The following ZNF804B variants were observed in gnomAD, a reference collection of about 807,000 sequenced individuals.
ZNF804B encodes the protein zinc finger 804B.
A neutral mutation model predicts 101.4 loss-of-function variants in ZNF804B; 80 were observed. The ratio of observed to expected loss-of-function variants is 0.79; its 90% CI spans 0.66 to 0.95. The LOEUF is 0.95. Among genes scored for constraint, ZNF804B ranks in the 40% least tolerant of loss-of-function variants. ZNF804B has a pLI of 0.00. For synonymous variants in ZNF804B, 622 were observed against 558.8 expected, an observed-to-expected ratio of 1.11 and a Z score of -1.59; for missense variants, 1,673 against 1,561.9, an observed-to-expected ratio of 1.07 and a Z score of -1.20.
Position 89,334,240 on chromosome 7 carries a change from G to A in ZNF804B, c.1258G>A (p.Val420Ile). Reference protein sequence around the residue: ...REKSLDKTERVSKNVQRLVKE... With the variant: ...REKSLDKTERISKNVQRLVKE... ...AAAATCTTTAGATAAAACAGAAAGA[G>A]TTAGCAAAAATGTTCAAAGACTTGT... Residue 420 changes from valine to isoleucine, a missense_variant, in exon 4 of 4, where the codon GTT becomes ATT. Transcript: ENST00000333190. 7 of 1,613,624 alleles carry A rather than the reference G, an allele frequency of 4.3e-6. No homozygotes were observed. Among genetic ancestry groups the A allele is most frequent in the Non-Finnish European group, 5.9e-6 (7 of 1,179,820 alleles).
chr7:89,180,910 G>T (rs764156126), intron 1 of ZNF804B, among the ~76,000 whole-genome samples: 13 of 149,520 alleles, frequency 8.7e-5, no homozygotes, highest in Non-Finnish European at 1.5e-4. Context: ...GTGGTAATGA[G>T]GCTAACTGGA....
chr7:88,966,948 A>G (rs1793463574), intron 1 of ZNF804B, among the ~76,000 whole-genome samples: 1 of 149,422 alleles, frequency 6.7e-6, no homozygotes, highest in African/African-American at 2.5e-5. Flanking sequence ...CACTTACAGG[A>G]TCTAGAATTC....
chr7:88,788,949 C>G (rs993359408), intron 1 of ZNF804B, among the ~76,000 whole-genome samples: 3 of 152,004 alleles, frequency 2.0e-5, no homozygotes, highest in African/African-American at 7.2e-5. Flanking sequence ...AAAATGGTTT[C>G]TTTTTCATTT....
intron 1 of ZNF804B, among the ~76,000 whole-genome samples, chr7:88,831,004 T>C (rs1010083407): frequency 6.6e-6 from 1 of 151,954 alleles, no homozygotes. Context: ...TATTTTAGTT[T>C]GTCAGTTTTA....
intron 1 of ZNF804B, among the ~76,000 whole-genome samples, chr7:88,802,933 T>C (rs1206118899): frequency 3.3e-5 from 5 of 152,170 alleles, no homozygotes; most frequent in Non-Finnish European, 7.4e-5. Flanking sequence ...ACATTGATAC[T>C]ATAAGGCACC....
At chr7:89,165,047 C>A (rs941899966) in intron 1 of ZNF804B, among the ~76,000 whole-genome samples, 1 of 151,938 alleles carries the variant, frequency 6.6e-6, no homozygotes, top group African/African-American at 2.4e-5. Context: ...AATAACTTAC[C>A]CATTATCACA....
At chr7:88,775,847 A>G (rs1399632904) in intron 1 of ZNF804B, among the ~76,000 whole-genome samples, 7 of 152,200 alleles carry the variant, frequency 4.6e-5, no homozygotes, top group Admixed American at 2.0e-4. Context: ...TGAAAATAAA[A>G]TTGTGATGTG....
chr7:88,975,798 T>C (rs1793608351), intron 1 of ZNF804B, among the ~76,000 whole-genome samples: 2 of 151,696 alleles, frequency 1.3e-5, no homozygotes, highest in Admixed American at 1.3e-4. Flanking sequence ...TTGTCCATTT[T>C]TGCTTTGGTT....
Position 89,208,081 on chromosome 7 carries a change from G to GTTTTTTTT in ZNF804B, c.109-10074_109-10073insTTTTTTTT, listed in dbSNP as rs201597943. 4.4e-5 allele frequency among the ~76,000 whole-genome samples: 6 copies of GTTTTTTTT among 135,422 alleles called. 2 individuals carry two copies. Among genetic ancestry groups the GTTTTTTTT allele is most frequent in the African/African-American group, 2.7e-5 (1 of 36,660 alleles). The allele number at this position is 135,422 out of a possible 152,430, so 88.8% of individuals were successfully genotyped here. ...GTGTGTTATATTTACTATTTTATTG[G>GTTTTTTTT]GTTTTTTTTTTTTTTTTTGAGACAG... is the stretch of plus-strand genomic sequence containing the variant. On this transcript the variant is annotated intron_variant, in intron 1 of 3. Transcript: ENST00000333190.
intron 1 of ZNF804B, among the ~76,000 whole-genome samples, chr7:88,779,733 C>T (rs1299369722): frequency 6.6e-6 from 1 of 152,170 alleles, no homozygotes. Flanking sequence ...AACTACTTCT[C>T]TGAGAATTGA....
chr7:88,911,324 T>C (rs1792547673), intron 1 of ZNF804B, among the ~76,000 whole-genome samples: 1 of 151,644 alleles, frequency 6.6e-6, no homozygotes, highest in African/African-American at 2.4e-5. Context: ...TTCTTACATC[T>C]CTTGCCTCTT....
intron 1 of ZNF804B, chr7:88,794,874 G>A: frequency 6.2e-7 from 1 of 1,612,154 alleles, no homozygotes; most frequent in Non-Finnish European, 8.5e-7. Context: ...GTGGGACTTG[G>A]AGAAAAAGAA....
chr7:88,860,324 A>T (rs1562814884), intron 1 of ZNF804B, among the ~76,000 whole-genome samples: 1 of 152,054 alleles, frequency 6.6e-6, no homozygotes, highest in African/African-American at 2.4e-5. Flanking sequence ...TTAATTTTTC[A>T]GTTGTTTGCT....
chr7:88,773,771 G>C (rs1443373895), intron 1 of ZNF804B, among the ~76,000 whole-genome samples: 1 of 151,978 alleles, frequency 6.6e-6, no homozygotes. Flanking sequence ...GTGGGAGCCT[G>C]CATGTCATAT....
chr7:89,047,176 A>G (rs1411358059), intron 1 of ZNF804B, among the ~76,000 whole-genome samples: 1 of 152,170 alleles, frequency 6.6e-6, no homozygotes, highest in Non-Finnish European at 1.5e-5. Context: ...TTTTGTAACA[A>G]CAGCAAACAT....
chr7:88,989,628 C>G (rs1793814891), intron 1 of ZNF804B, among the ~76,000 whole-genome samples: 1 of 152,038 alleles, frequency 6.6e-6, no homozygotes, highest in South Asian at 2.1e-4. Flanking sequence ...TAATCATCAC[C>G]ATAGTCAGAT....
intron 1 of ZNF804B, among the ~76,000 whole-genome samples, chr7:88,844,598 C>T (rs1791342308): frequency 6.6e-6 from 1 of 152,176 alleles, no homozygotes; most frequent in Non-Finnish European, 1.5e-5. Flanking sequence ...TACTGCATTT[C>T]ATCTGATGGA....
At chr7:88,977,425 T>C (rs975048257) in intron 1 of ZNF804B, among the ~76,000 whole-genome samples, 3 of 151,742 alleles carry the variant, frequency 2.0e-5, no homozygotes, top group South Asian at 4.1e-4. Context: ...ATTTTACTAC[T>C]TGTTATTGGT....
At chr7:89,014,163 C>G (rs183905021) in intron 1 of ZNF804B, among the ~76,000 whole-genome samples, 1 of 152,232 alleles carries the variant, frequency 6.6e-6, no homozygotes, top group East Asian at 1.9e-4. Context: ...AGTTTACATT[C>G]CCACCCACAG....
Sources: gnomAD v4.1 joint callset for allele counts (sites outside exome capture counted in the v4.1 genomes callset) on GRCh38, gnomAD v4.1.1 for gene constraint, MANE v1.5 for transcripts, NCBI Gene and HGNC (gene_info 2026-07-23, HGNC 2026-07-21) for gene names.